The following PDIA5 variants were observed in gnomAD, a reference collection of about 807,000 sequenced individuals.
PDIA5 encodes protein disulfide isomerase family A member 5, also known as protein disulfide-isomerase A5.
In PDIA5, 58 loss-of-function variants were observed where a neutral mutation model predicts 77.6. That is an observed-to-expected ratio of 0.75 (90% CI 0.61 to 0.93). The LOEUF (loss-of-function observed/expected upper bound fraction) is 0.93. Among genes scored for constraint, PDIA5 ranks in the 40% least tolerant of loss-of-function variants. PDIA5 has a pLI of 0.00. For synonymous variants in PDIA5, 250 were observed against 252.1 expected, an observed-to-expected ratio of 0.99 and a Z score of 0.08; for missense variants, 630 against 647.7, an observed-to-expected ratio of 0.97 and a Z score of 0.30.
intron 8 of PDIA5, 84 bp downstream of exon 8, chr3:123,116,382 G>A: frequency 9.7e-7 from 1 of 1,031,040 alleles, no homozygotes; most frequent in Non-Finnish European, 1.5e-6. Flanking sequence ...GTGGGGACAG[G>A]TTTTGAAATG....
At chr3:123,151,353 G>A (rs1003356998) in intron 14 of PDIA5, among the ~76,000 whole-genome samples, 1 of 152,266 alleles carries the variant, frequency 6.6e-6, no homozygotes, top group African/African-American at 2.4e-5. Context: ...TCTTCCCTCT[G>A]GCATTAGGGG....
chr3:123,142,654 T>A (rs1043422598), intron 11 of PDIA5, among the ~76,000 whole-genome samples: 1 of 152,218 alleles, frequency 6.6e-6, no homozygotes, highest in South Asian at 2.1e-4. Flanking sequence ...TAAGAATATC[T>A]GCTGTGGAGA....
intron 7 of PDIA5, among the ~76,000 whole-genome samples, chr3:123,111,286 C>G (rs1386357722): frequency 6.6e-6 from 1 of 152,240 alleles, no homozygotes; most frequent in African/African-American, 2.4e-5. Context: ...CACCTTCCCC[C>G]ACCATGTCCC....
chr3:123,144,811 C>T (rs1935723329), intron 11 of PDIA5: 1 of 152,112 alleles, frequency 6.6e-6, no homozygotes, highest in Admixed American at 6.6e-5. Flanking sequence ...TGGCATGAAC[C>T]CAGGAGGCGG....
At chr3:123,140,585 G>T (rs1270423636) in intron 11 of PDIA5, among the ~76,000 whole-genome samples, 1 of 152,224 alleles carries the variant, frequency 6.6e-6, no homozygotes, top group African/African-American at 2.4e-5. Context: ...GTTGTCCAGG[G>T]TGGATGTTGC....
chr3:123,120,591 G>A (rs1935091071), intron 8 of PDIA5, among the ~76,000 whole-genome samples: 4 of 152,204 alleles, frequency 2.6e-5, no homozygotes, highest in Admixed American at 2.6e-4. Context: ...CCACATCTCT[G>A]TCCATAGCTT....
At chr3:123,156,180 C>T (rs1398332116) in intron 15 of PDIA5, among the ~76,000 whole-genome samples, 2 of 152,138 alleles carry the variant, frequency 1.3e-5, no homozygotes, top group Admixed American at 6.5e-5. Context: ...GAGAACTTTA[C>T]AGGGACATAA....
chr3:123,105,741 A>G (rs139037606), intron 5 of PDIA5, among the ~76,000 whole-genome samples: 7 of 2,014 alleles, frequency 3.5e-3, no homozygotes, highest in Non-Finnish European at 0.011. Context: ...ACACACACGC[A>G]CACACACACA....
At chr3:123,122,497 A>G (rs577518708) in intron 8 of PDIA5, among the ~76,000 whole-genome samples, 69 of 152,168 alleles carry the variant, frequency 4.5e-4, no homozygotes, top group Admixed American at 1.2e-3. Flanking sequence ...GCTGTATGTG[A>G]GGCCTTGTGC....
chr3:123,112,860 C>G (rs1296542170), intron 7 of PDIA5, among the ~76,000 whole-genome samples: 1 of 152,046 alleles, frequency 6.6e-6, no homozygotes, highest in Non-Finnish European at 1.5e-5. Context: ...GTGCCCGGCC[C>G]CCCAAGCCCT....
chr3:123,125,996 C>T (rs1935239511), intron 10 of PDIA5, among the ~76,000 whole-genome samples: 1 of 152,202 alleles, frequency 6.6e-6, no homozygotes, highest in Admixed American at 6.5e-5. Flanking sequence ...AAATAGCAAT[C>T]TCATTTGTCA....
intron 1 of PDIA5, among the ~76,000 whole-genome samples, chr3:123,088,176 G>T (rs941888548): frequency 4.6e-5 from 7 of 152,162 alleles, no homozygotes; most frequent in African/African-American, 1.7e-4. Flanking sequence ...TGGGCAAGGG[G>T]CTGTTGCCCA....
At chr3:123,098,993 A>C (rs857047) in intron 3 of PDIA5, among the ~76,000 whole-genome samples, 151,920 of 152,354 alleles carry the variant, frequency 1, 75,746 homozygotes, top group Non-Finnish European at 1. Context: ...ATTTTCTCCC[A>C]TACTTGAACT....
intron 1 of PDIA5, among the ~76,000 whole-genome samples, chr3:123,075,261 C>G (rs973614988): frequency 1.3e-5 from 2 of 152,112 alleles, no homozygotes; most frequent in African/African-American, 2.4e-5. Context: ...AGATGTGTTG[C>G]TTAGAAGAGA....
chr3:123,143,365 T>C (rs1576461903), intron 11 of PDIA5, among the ~76,000 whole-genome samples: 1 of 133,474 alleles, frequency 7.5e-6, no homozygotes. Flanking sequence ...CCAGCCTGGG[T>C]GACAGAGCGA....
At chr3:123,151,883 G>GCCTGCCTTCCTTCCTA (rs1935912612) in intron 14 of PDIA5, among the ~76,000 whole-genome samples, 1 of 101,012 alleles carries the variant, frequency 9.9e-6, no homozygotes, top group African/African-American at 3.5e-5. Context: ...CCGCCTTCCT[G>GCCTGCCTTCCTTCCTA]CCTGCCTTCC....
intron 13 of PDIA5, among the ~76,000 whole-genome samples, chr3:123,149,632 C>T (rs952725281): frequency 3.3e-5 from 5 of 152,136 alleles, no homozygotes; most frequent in African/African-American, 1.2e-4. Flanking sequence ...TCTAGGCTCT[C>T]AGTAAATATT....
chr3:123,142,024 G>A (rs1445488219), intron 11 of PDIA5, among the ~76,000 whole-genome samples: 2 of 152,226 alleles, frequency 1.3e-5, no homozygotes, highest in African/African-American at 4.8e-5. Flanking sequence ...GTACATACAT[G>A]TGGAGTATAT....
chr3:123,148,993 G>A (rs1935827207), intron 13 of PDIA5, among the ~76,000 whole-genome samples: 1 of 152,244 alleles, frequency 6.6e-6, no homozygotes, highest in African/African-American at 2.4e-5. Context: ...AGGCCAGCCT[G>A]GGGAGGCAGT....
Sources: allele counts gnomAD v4.1 joint callset (sites outside exome capture counted in the v4.1 genomes callset), GRCh38; gene constraint gnomAD v4.1.1; transcripts MANE v1.5; gene names NCBI Gene and HGNC (gene_info 2026-07-23, HGNC 2026-07-21).